The following PFKL variants were observed in gnomAD, a reference collection of about 807,000 sequenced individuals.
The protein encoded by PFKL is phosphofructokinase, liver type.
A neutral mutation model predicts 92.1 loss-of-function variants in PFKL; 74 were observed. That is an observed-to-expected ratio of 0.80 (90% CI 0.67 to 0.97). The LOEUF is 0.97. Among genes scored for constraint, PFKL ranks in the 50% least tolerant of loss-of-function variants. The probability of loss-of-function intolerance (pLI) is 0.00; values close to 1 mark genes in which losing one functional copy is unlikely to be tolerated. For missense variants in PFKL, 1,028 were observed against 1,116.6 expected (o/e 0.92, Z 1.13); for synonymous variants, 494 against 456.4 (o/e 1.08, Z -1.05).
intron 2 of PFKL, chr21:44,307,266 C>T (rs926035489): frequency 4.1e-6 from 4 of 985,078 alleles, no homozygotes; most frequent in African/African-American, 3.5e-5. Flanking sequence ...GCAGGAGCAG[C>T]GGATGCCCTA....
At chr21:44,304,428 G>C (rs906700808) in intron 1 of PFKL, 1 of 1,225,938 alleles carries the variant, frequency 8.2e-7, no homozygotes, top group Non-Finnish European at 1.0e-6. Flanking sequence ...CCCTCTCCTT[G>C]CCCTGCCTCA....
At chr21:44,309,618 G>C (rs1435359575) in intron 2 of PFKL, among the ~76,000 whole-genome samples, 1 of 152,220 alleles carries the variant, frequency 6.6e-6, no homozygotes, top group African/African-American at 2.4e-5. Context: ...GCAGGGGCCT[G>C]GCTGGCGCCT....
intron 19 of PFKL, 106 bp from the exon 20 acceptor site, chr21:44,325,855 A>T (rs1214425380): frequency 6.7e-6 from 5 of 747,954 alleles, no homozygotes; most frequent in Non-Finnish European, 9.0e-6. Flanking sequence ...ATGGGTGTTC[A>T]CAAGCTGCCT....
At chr21:44,322,043 C>A (rs533572719) in intron 13 of PFKL, 90 bp from the exon 14 acceptor site, 82 of 1,489,378 alleles carry the variant, frequency 5.5e-5, no homozygotes, top group Non-Finnish European at 7.2e-5. Context: ...TGATGCCCAA[C>A]ACTGGCTGGC....
chr21:44,307,576 C>G (rs751969046), intron 2 of PFKL, among the ~76,000 whole-genome samples: 1 of 152,200 alleles, frequency 6.6e-6, no homozygotes. Flanking sequence ...GCTCACTGCT[C>G]GCTGCTGACC....
intron 1 of PFKL, among the ~76,000 whole-genome samples, chr21:44,304,035 TA>T (rs2040855938): frequency 1.7e-5 from 1 of 57,162 alleles, no homozygotes; most frequent in African/African-American, 1.1e-4. Flanking sequence ...AGTCCCGTTC[TA>T]AAATCCAGAA....
intron 2 of PFKL, 152 bp downstream of exon 2, chr21:44,306,906 C>G: frequency 1.4e-6 from 1 of 700,442 alleles, no homozygotes; most frequent in East Asian, 2.8e-5. Context: ...TGAGGGGGAG[C>G]TTGGGGCCAG....
At chr21:44,317,032 C>T (rs1437048675) in intron 9 of PFKL, among the ~76,000 whole-genome samples, 1 of 152,196 alleles carries the variant, frequency 6.6e-6, no homozygotes, top group African/African-American at 2.4e-5. Context: ...GAGGCTGGTG[C>T]TGGGAGGGAG....
Position 44,311,078 on chromosome 21 carries a change from C to G in PFKL, c.232C>G (p.Gln78Glu). ...CTGGCTGAGCGTCTCCAACATCATC[C>G]AGCTGGTGAGGCCTGGGAACGCGGA... ...ANWLSVSNII[Q>E]LGGTIIGSAR... is the part of the protein sequence containing the mutation. The change falls in exon 3 of 22, where the codon CAG (glutamine) becomes GAG (glutamate). Residue 78 changes from glutamine to glutamate, a missense_variant. By Grantham distance (29) the Gln-to-Glu change is conservative. Coordinates refer to ENST00000349048, the MANE Select transcript of PFKL (RefSeq NM_002626.6). 6.2e-7 allele frequency: 1 copy of G among 1,612,568 alleles called. No homozygotes were observed. The highest frequency in any genetic ancestry group is 2.2e-5 in the East Asian group (1 of 44,842).
chr21:44,321,827 C>T lies in PFKL; in HGVS notation c.1290C>T (p.His430=), dbSNP rs779324863. ...SAVRTGISHG[H]TVYVVHDGFE... is the part of the protein sequence containing the mutation. ...TGCGGACCGGCATCTCCCATGGACA[C>T]ACAGTATACGTGGTGCACGATGGCT... Residue 430 remains histidine, a synonymous_variant, in exon 13 of 22, where the codon CAC becomes CAT. Transcript: ENST00000349048. 3.1e-6 allele frequency: 5 copies of T among 1,599,910 alleles called. No homozygotes were observed. Among genetic ancestry groups the T allele is most frequent in the South Asian group, 1.1e-5 (1 of 89,410 alleles).
intron 1 of PFKL, chr21:44,304,562 A>C: frequency 9.0e-7 from 1 of 1,114,248 alleles, no homozygotes; most frequent in Admixed American, 5.0e-5. Flanking sequence ...ACTGCCCCCA[A>C]CTCCAGTGAG....
intron 1 of PFKL, among the ~76,000 whole-genome samples, chr21:44,303,441 A>AAAAAAAAAAAAACACTTGATCG (rs1555874967): frequency 1.0e-5 from 1 of 97,096 alleles, no homozygotes; most frequent in African/African-American, 5.3e-5. Flanking sequence ...ACCAAAAAAA[A>AAAAAAAAAAAAACACTTGATCG]AAAAAAAAAA....
Position 44,323,795 on chromosome 21 carries a change from G to A in PFKL, c.1527G>A (p.Glu509=). ...EAYEGVLQLV[E]ARGRYEELCI... is the part of the protein sequence containing the mutation. ...ATGAAGGGGTGCTGCAGCTGGTGGAGGCTCGCGGGCGCTACGAGGAGCTCT... is the reference window on the plus strand; with the variant it reads ...ATGAAGGGGTGCTGCAGCTGGTGGAAGCTCGCGGGCGCTACGAGGAGCTCT... The change falls in exon 16 of 22, where the codon GAG becomes GAA. Residue 509 remains glutamate, a synonymous_variant. Transcript: ENST00000349048. 1 of 1,612,404 alleles carries A rather than the reference G, an allele frequency of 6.2e-7. No homozygotes were observed. The highest frequency in any genetic ancestry group is 8.5e-7 in the Non-Finnish European group (1 of 1,179,764).
At chr21:44,304,351 T>A in intron 1 of PFKL, 1 of 1,287,214 alleles carries the variant, frequency 7.8e-7, no homozygotes, top group Non-Finnish European at 1.0e-6. Flanking sequence ...GCACATTGAC[T>A]CCGCCTGGAG....
rs146583875 is a variant in PFKL, at chr21:44,326,802, C to T, written c.2283C>T (p.Tyr761=). The part of the protein sequence containing the change: ...LAQYRISMAA[Y]VSGELEHVTR... Reference sequence around the variant, plus strand: ...AATACCGCATCAGTATGGCCGCCTACGTGTCAGGGGAGCTGGAGCACGTGA... The same window carrying T: ...AATACCGCATCAGTATGGCCGCCTATGTGTCAGGGGAGCTGGAGCACGTGA... Residue 761 remains tyrosine, a synonymous_variant, in exon 22 of 22, where the codon TAC becomes TAT. Coordinates refer to ENST00000349048, the MANE Select transcript of PFKL (RefSeq NM_002626.6). 1,092 of 1,607,980 alleles carry T rather than the reference C, an allele frequency of 6.8e-4. 6 individuals carry two copies. In the Middle Eastern group the frequency reaches 8.2e-3, roughly 12 times the overall value.
At chr21:44,316,022 C>G in intron 7 of PFKL, 1 of 575,986 alleles carries the variant, frequency 1.7e-6, no homozygotes, top group South Asian at 2.0e-5. Flanking sequence ...CGGGCAGAGC[C>G]CTCTTGTTCA....
chr21:44,314,370 C>A, intron 7 of PFKL: 1 of 279,320 alleles, frequency 3.6e-6, no homozygotes, highest in Non-Finnish European at 6.8e-6. Flanking sequence ...GAGGGAGTGG[C>A]CCCAGCAAGG....
chr21:44,303,862 A>G (rs1321093309), intron 1 of PFKL, among the ~76,000 whole-genome samples: 1 of 152,110 alleles, frequency 6.6e-6, no homozygotes, highest in African/African-American at 2.4e-5. Context: ...AGGCAGCGGC[A>G]GGCCCACTGT....
chr21:44,324,693 G>T (rs746847110), intron 17 of PFKL, 38 bp downstream of exon 17: 3 of 1,563,550 alleles, frequency 1.9e-6, no homozygotes, highest in Non-Finnish European at 2.6e-6. Context: ...CAGACCTGCC[G>T]GCATGCCAGC....
Sources: allele counts gnomAD v4.1 joint callset (sites outside exome capture counted in the v4.1 genomes callset), GRCh38; gene constraint gnomAD v4.1.1; transcripts MANE v1.5; gene names NCBI Gene and HGNC (gene_info 2026-07-23, HGNC 2026-07-21).